Variants in A2ML1 observed in about 807,000 individuals in gnomAD.
The protein encoded by A2ML1 is alpha-2-macroglobulin-like protein 1.
Under a neutral mutation model 181.9 loss-of-function variants are expected in A2ML1, and 161 were observed. The ratio of observed to expected loss-of-function variants is 0.89; its 90% CI spans 0.78 to 1.01. The LOEUF (loss-of-function observed/expected upper bound fraction) is 1.01, where lower values mean the gene tolerates loss of function less well. Ranked by LOEUF, A2ML1 falls within the 50% of genes least tolerant of loss-of-function variation. A2ML1 has a pLI of 0.00. For missense variants in A2ML1, 1,670 were observed against 1,768.1 expected, an observed-to-expected ratio of 0.94 and a Z score of 1.00; for synonymous variants, 663 against 666.8, an observed-to-expected ratio of 0.99 and a Z score of 0.09.
chr12:8,833,412 T>G (rs1235137019), intron 4 of A2ML1, among the ~76,000 whole-genome samples: 2 of 152,198 alleles, frequency 1.3e-5, no homozygotes, highest in Non-Finnish European at 2.9e-5. Context: ...TGTTGTTTTG[T>G]ATTTTGTTTT....
intron 18 of A2ML1, among the ~76,000 whole-genome samples, chr12:8,850,475 AG>A (rs1310236523): frequency 6.6e-6 from 1 of 152,094 alleles, no homozygotes; most frequent in Admixed American, 6.6e-5. Context: ...TGGAAGGCTG[AG>A]GTGGAAGGAT....
chr12:8,843,882 C>A (rs897670835), intron 12 of A2ML1, among the ~76,000 whole-genome samples: 1 of 152,022 alleles, frequency 6.6e-6, no homozygotes, highest in Non-Finnish European at 1.5e-5. Flanking sequence ...CCACGCCCAG[C>A]TAATTTTTTT....
At chr12:8,859,658 T>C (rs1278041469) in intron 26 of A2ML1, among the ~76,000 whole-genome samples, 5 of 152,088 alleles carry the variant, frequency 3.3e-5, no homozygotes, top group African/African-American at 1.2e-4. Flanking sequence ...CTGCAACCTC[T>C]ACCTCCTGGG....
At chr12:8,845,219 C>G (rs1235076537) in intron 12 of A2ML1, 1 of 1,534,726 alleles carries the variant, frequency 6.5e-7, no homozygotes, top group South Asian at 1.2e-5. Flanking sequence ...CATCCACCTG[C>G]GTGGTTCTCA....
chr12:8,829,842 T>G, intron 4 of A2ML1, 63 bp downstream of exon 4: 382 of 1,586,076 alleles, frequency 2.4e-4, no homozygotes, highest in Non-Finnish European at 3.0e-4. Context: ...AGAGATTCTC[T>G]AGGGTGGAAG....
intron 4 of A2ML1, among the ~76,000 whole-genome samples, chr12:8,832,444 G>A (rs1359168550): frequency 6.6e-6 from 1 of 152,206 alleles, no homozygotes; most frequent in African/African-American, 2.4e-5. Context: ...TTTTGGGAAA[G>A]GGCTGTTATC....
At chr12:8,841,619 C>T in intron 11 of A2ML1, 83 bp downstream of exon 11, 1 of 1,380,664 alleles carries the variant, frequency 7.2e-7, no homozygotes, top group East Asian at 2.3e-5. Context: ...TTCCTATTCT[C>T]CCCTCTGCTT....
Position 8,855,550 on chromosome 12 carries a change from G to A in A2ML1, c.2806G>A (p.Asp936Asn), listed in dbSNP as rs180872594. The change falls in exon 23 of 36, where the codon GAC becomes AAC. Residue 936 changes from aspartate (D) to asparagine (N), a missense_variant. Physicochemically the swap from Asp to Asn is conservative, Grantham distance 23 (BLOSUM62 1). Coordinates refer to ENST00000299698, the MANE Select transcript of A2ML1 (RefSeq NM_144670.6). ...SESVSLELPV[D>N]IVPDSTKAYV... ...ATCTGTCTCCCTGGAGCTCCCAGTG[G>A]ACATTGTTCCTGACTCGACCAAGGC... 2.5e-6 allele frequency: 4 copies of A among 1,614,118 alleles called. No individual in the cohort carries two copies. Among genetic ancestry groups the A allele is most frequent in the African/African-American group, 1.3e-5 (1 of 75,010 alleles).
In A2ML1 at chr12:8,854,896, A is replaced by C. The variant is rs1260234222; in HGVS notation, c.2764+65A>C. 1.1e-5 allele frequency: 14 copies of C among 1,294,264 alleles called. No homozygotes were observed. The African/African-American group carries it at 1.8e-4, about 16-fold the overall frequency. The allele number at this position is 1,294,264 out of a possible 1,614,324, so 80.2% of individuals were successfully genotyped here. A position where few individuals can be genotyped will look rare whatever the true frequency, so the allele number is the denominator to read the frequency against. On this transcript the variant is annotated intron_variant, in intron 22 of 35. Coordinates refer to ENST00000299698, the MANE Select transcript of A2ML1 (RefSeq NM_144670.6). ...TTAGAGGGCAGGAGATTTTCTTTTC[A>C]TTTTTTTTTTTTTTTTGAGACGGAG... is the stretch of plus-strand genomic sequence containing the variant.
chr12:8,874,712 G>A (rs998897076), intron 34 of A2ML1, among the ~76,000 whole-genome samples, 185 bp downstream of exon 34: 7 of 152,028 alleles, frequency 4.6e-5, no homozygotes, highest in Middle Eastern at 3.2e-3. Flanking sequence ...TTTAAGTTGC[G>A]TACACTAGAG....
At chr12:8,842,328 C>G (rs1040723819) in intron 11 of A2ML1, among the ~76,000 whole-genome samples, 2 of 152,026 alleles carry the variant, frequency 1.3e-5, no homozygotes, top group African/African-American at 4.8e-5. Flanking sequence ...CGCCATTCTC[C>G]TGCCTCAGCC....
chr12:8,854,352 C>G lies in A2ML1; in HGVS notation c.2712+103C>G, dbSNP rs903873523. 9 of 1,465,422 alleles carry G rather than the reference C, an allele frequency of 6.1e-6. No individual in the cohort carries two copies. In the African/African-American group the frequency reaches 8.5e-5, roughly 14 times the overall value. 90.8% of individuals were successfully genotyped at this position (1,465,422 alleles called of 1,614,324 possible). On this transcript the variant is annotated intron_variant, in intron 21 of 35. Transcript: ENST00000299698. Reference sequence around the variant, plus strand: ...CACAGCAACCATACTCCAGTCCAACCAGGCAGCTTCAACTTTCTCCTTCCC... The same window carrying G: ...CACAGCAACCATACTCCAGTCCAACGAGGCAGCTTCAACTTTCTCCTTCCC...
At position 8,868,263 on chromosome 12, in the gene A2ML1, A is replaced by G. The variant is rs200176373; in HGVS notation, c.3967A>G (p.Asn1323Asp). ...GAGATACAATATTCTCCCTCCCACAAATATGAAGACCTTTAGTCTTAGTGT... is the reference window on the plus strand; with the variant it reads ...GAGATACAATATTCTCCCTCCCACAGATATGAAGACCTTTAGTCTTAGTGT... Reference protein sequence around the residue: ...VLRYNILPPTNMKTFSLSVEI... With the variant: ...VLRYNILPPTDMKTFSLSVEI... Residue 1323 changes from asparagine (N) to aspartate (D), a missense_variant, in exon 31 of 36, where the codon AAT becomes GAT. By Grantham distance (23) the Asn-to-Asp change is conservative (BLOSUM62 1). Coordinates refer to ENST00000299698, the MANE Select transcript of A2ML1 (RefSeq NM_144670.6). 3.7e-6 allele frequency: 6 copies of G among 1,613,782 alleles called. No homozygotes were observed. Among genetic ancestry groups the G allele is most frequent in the African/African-American group, 1.3e-5 (1 of 75,026 alleles).
chr12:8,835,553 A>G lies in A2ML1; in HGVS notation c.530A>G (p.Glu177Gly), dbSNP rs753110053. Residue 177 changes from glutamate (E) to glycine (G), a missense_variant, in exon 6 of 36, where the codon GAG (glutamate) becomes GGG (glycine). By Grantham distance (98) the Glu-to-Gly change is moderately conservative. Coordinates refer to ENST00000299698, the MANE Select transcript of A2ML1 (RefSeq NM_144670.6). Reference sequence around the variant, plus strand: ...GCACAGTGGCTGGAAGTGGTACCTGAGCAAGGCATTGTAGACCTGTCCTTC... The same window carrying G: ...GCACAGTGGCTGGAAGTGGTACCTGGGCAAGGCATTGTAGACCTGTCCTTC... Reference protein sequence around the residue: ...RIAQWLEVVPEQGIVDLSFQL... With the variant: ...RIAQWLEVVPGQGIVDLSFQL... 2.5e-6 allele frequency: 4 copies of G among 1,614,072 alleles called. No homozygotes were observed. The highest frequency in any genetic ancestry group is 2.5e-6 in the Non-Finnish European group (3 of 1,180,026).
At chr12:8,866,197 C>T (rs957264076) in intron 29 of A2ML1, among the ~76,000 whole-genome samples, 11 of 150,180 alleles carry the variant, frequency 7.3e-5, no homozygotes, top group Non-Finnish European at 1.3e-4. Flanking sequence ...CCCAGCTACT[C>T]GGGAGGCTGA....
chr12:8,847,569 C>T lies in A2ML1; in HGVS notation c.1704C>T (p.Pro568=), dbSNP rs780752277. The T allele has an allele frequency of 2.5e-6, 4 of 1,612,112 alleles. No individual in the cohort carries two copies. Among genetic ancestry groups the T allele is most frequent in the East Asian group, 2.2e-5 (1 of 44,772 alleles). Residue 568 remains proline, a synonymous_variant, in exon 15 of 36, where the codon CCC becomes CCT. Transcript: ENST00000299698. Reference sequence around the variant, plus strand: ...CCCAGGTTTCCCTTGGCTTCTCCCCCTCCCAGCAGCTTCCAGGAGCAGAAG... The same window carrying T: ...CCCAGGTTTCCCTTGGCTTCTCCCCTTCCCAGCAGCTTCCAGGAGCAGAAG... ...FDNQVSLGFS[P]SQQLPGAEVE... is the part of the protein sequence containing the mutation.
intron 11 of A2ML1, 61 bp from the exon 12 acceptor site, chr12:8,843,073 T>A (rs1943543633): frequency 1.4e-6 from 2 of 1,466,182 alleles, no homozygotes; most frequent in African/African-American, 1.4e-5. Flanking sequence ...CCGTAACAAG[T>A]CCGTGGGGTT....
chr12:8,840,077 CG>C (rs1482145250), intron 10 of A2ML1, among the ~76,000 whole-genome samples: 1 of 151,902 alleles, frequency 6.6e-6, no homozygotes, highest in African/African-American at 2.4e-5. Context: ...TTAAAATTTC[CG>C]GCAGGGCGTG....
intron 33 of A2ML1, among the ~76,000 whole-genome samples, chr12:8,870,228 G>A (rs1189232853): frequency 2.0e-5 from 3 of 151,972 alleles, no homozygotes; most frequent in Non-Finnish European, 4.4e-5. Context: ...GTCTTCCAGG[G>A]AGCCAGGGTT....
Sources: allele counts gnomAD v4.1 joint callset (sites outside exome capture counted in the v4.1 genomes callset), GRCh38; gene constraint gnomAD v4.1.1; transcripts MANE v1.5; gene names NCBI Gene and HGNC (gene_info 2026-07-23, HGNC 2026-07-21).